The following CBX1 variants were observed in gnomAD, a reference collection of about 807,000 sequenced individuals.
CBX1 encodes the protein chromobox 1, also known as chromobox protein homolog 1.
In CBX1, 10 loss-of-function variants were observed where a neutral mutation model predicts 25.1. That is an observed-to-expected ratio of 0.40 (90% confidence interval 0.25 to 0.68). CBX1 has a LOEUF of 0.68. Ranked by LOEUF, CBX1 falls within the 30% of genes least tolerant of loss-of-function variation. The pLI, the probability that CBX1 is intolerant of heterozygous loss-of-function variation, is 0.40. For missense variants in CBX1, 106 were observed against 218.5 expected, an observed-to-expected ratio of 0.49 and a Z score of 3.25; for synonymous variants, 63 against 79.4, an observed-to-expected ratio of 0.79 and a Z score of 1.10.
chr17:48,076,785 ATAG>A, intron 2 of CBX1, 77 bp downstream of exon 2: 1 of 1,308,510 alleles, frequency 7.6e-7, no homozygotes, highest in Non-Finnish European at 1.1e-6. Context: ...TGTATCCATC[ATAG>A]CACTGGAGGT....
At chr17:48,081,789 G>T (rs2037740674) in intron 1 of CBX1, among the ~76,000 whole-genome samples, 1 of 152,132 alleles carries the variant, frequency 6.6e-6, no homozygotes, top group Non-Finnish European at 1.5e-5. Flanking sequence ...CAAATAAGAA[G>T]AATATAGAAA....
intron 1 of CBX1, among the ~76,000 whole-genome samples, chr17:48,080,951 A>AATATATATATATATATATATAT (rs1323670486): frequency 3.0e-5 from 1 of 33,276 alleles, no homozygotes; most frequent in Non-Finnish European, 5.3e-5. Context: ...AAAAAAAAAA[A>AATATATATATATATATATATAT]ATATATATAT....
At chr17:48,074,937 CT>C in intron 4 of CBX1, 68 bp downstream of exon 4, 1 of 1,115,728 alleles carries the variant, frequency 9.0e-7, no homozygotes, top group Non-Finnish European at 1.4e-6. Context: ...AGGTCCAGCT[CT>C]TTTCCTCTGG....
chr17:48,079,787 G>A (rs1321904970), intron 1 of CBX1, among the ~76,000 whole-genome samples: 1 of 152,072 alleles, frequency 6.6e-6, no homozygotes, highest in Non-Finnish European at 1.5e-5. Flanking sequence ...ATCACACCTG[G>A]CCTCCAATTT....
intron 1 of CBX1, chr17:48,100,882 G>C (rs1262508677): frequency 6.1e-6 from 6 of 985,574 alleles, no homozygotes; most frequent in African/African-American, 1.7e-5. Context: ...ACCTCGGGTT[G>C]TGCGGTCGTA....
At chr17:48,079,699 TG>T (rs2037713246) in intron 1 of CBX1, among the ~76,000 whole-genome samples, 2 of 152,062 alleles carry the variant, frequency 1.3e-5, no homozygotes, top group Non-Finnish European at 2.9e-5. Context: ...CTCAATATGT[TG>T]CCCAGGCTTG....
intron 1 of CBX1, among the ~76,000 whole-genome samples, chr17:48,099,689 T>C (rs972090651): frequency 6.6e-6 from 1 of 152,208 alleles, no homozygotes; most frequent in Non-Finnish European, 1.5e-5. Flanking sequence ...ATGTGACTCT[T>C]AACACAATTG....
chr17:48,089,156 A>G (rs1402231012), intron 1 of CBX1, among the ~76,000 whole-genome samples: 3 of 144,220 alleles, frequency 2.1e-5, no homozygotes, highest in Non-Finnish European at 4.5e-5. Context: ...GCTGGAGTGC[A>G]GTGGTGTGAT....
intron 1 of CBX1, among the ~76,000 whole-genome samples, chr17:48,093,349 T>C (rs1473759902): frequency 6.9e-6 from 1 of 144,966 alleles, no homozygotes; most frequent in African/African-American, 2.5e-5. Flanking sequence ...AGGTAAACAA[T>C]GCAAGTTCAA....
At chr17:48,094,564 C>T (rs1332553578) in intron 1 of CBX1, among the ~76,000 whole-genome samples, 2 of 151,606 alleles carry the variant, frequency 1.3e-5, no homozygotes, top group Non-Finnish European at 2.9e-5. Context: ...AACCCCGTGT[C>T]TACTAAAAAT....
chr17:48,082,132 G>T lies in CBX1; in HGVS notation c.-37-5091C>A, dbSNP rs1023633469. ...GTGCTGGGAGGATCGCTTAAGCACA[G>T]GAGGTTGAGGCTGCTGTGAGCTGTG... On this transcript the variant is annotated intron_variant, in intron 1 of 4. Coordinates refer to ENST00000225603, the MANE Select transcript of CBX1 (RefSeq NM_001127228.2). Among the ~76,000 whole-genome samples, 4 of 152,228 alleles carry T rather than the reference G, an allele frequency of 2.6e-5. No individual in the cohort carries two copies. In the East Asian group the frequency reaches 7.7e-4, roughly 29 times the overall value.
chr17:48,098,685 T>C (rs11079807), intron 1 of CBX1, among the ~76,000 whole-genome samples: 111,116 of 152,052 alleles, frequency 0.73, 41,258 homozygotes, highest in Admixed American at 0.82. Flanking sequence ...TTAGTAGAGA[T>C]GGGGCCAGTA....
chr17:48,091,442 C>T (rs921145438), intron 1 of CBX1, among the ~76,000 whole-genome samples: 1 of 150,710 alleles, frequency 6.6e-6, no homozygotes, highest in Non-Finnish European at 1.5e-5. Context: ...GGTGTGATAT[C>T]GGCTCACTTT....
chr17:48,079,058 A>G (rs755987657), intron 1 of CBX1, among the ~76,000 whole-genome samples: 37 of 151,646 alleles, frequency 2.4e-4, no homozygotes, highest in Admixed American at 1.9e-3. Context: ...TGGCCTCCCA[A>G]AGTGCTGGGA....
At chr17:48,089,906 T>C (rs913891408) in intron 1 of CBX1, among the ~76,000 whole-genome samples, 2 of 151,788 alleles carry the variant, frequency 1.3e-5, no homozygotes, top group Non-Finnish European at 2.9e-5. Context: ...AACAGAAAAT[T>C]TTAACGAAAT....
chr17:48,078,341 C>T (rs1032029784), intron 1 of CBX1, among the ~76,000 whole-genome samples: 5 of 151,976 alleles, frequency 3.3e-5, no homozygotes, highest in African/African-American at 4.8e-5. Flanking sequence ...TACCGGCGCC[C>T]GCCACCACGC....
chr17:48,078,786 A>ATTTTTT (rs2037702228), intron 1 of CBX1, among the ~76,000 whole-genome samples: 7 of 74,568 alleles, frequency 9.4e-5, no homozygotes, highest in Admixed American at 2.6e-4. Flanking sequence ...CCGTGCCTGG[A>ATTTTTT]CTTTTTTTTT....
At chr17:48,076,647 G>A (rs2037677477) in intron 2 of CBX1, among the ~76,000 whole-genome samples, 1 of 152,088 alleles carries the variant, frequency 6.6e-6, no homozygotes, top group Non-Finnish European at 1.5e-5. Flanking sequence ...CTCCAGCCTG[G>A]GTGACAGAGC....
At chr17:48,100,689 T>G (rs1005216936) in intron 1 of CBX1, 1 of 983,940 alleles carries the variant, frequency 1.0e-6, no homozygotes, top group East Asian at 1.1e-4. Flanking sequence ...AGCAAACGCC[T>G]GCCCCTCCCC....
Sources: allele counts gnomAD v4.1 joint callset (sites outside exome capture counted in the v4.1 genomes callset), GRCh38; gene constraint gnomAD v4.1.1; transcripts MANE v1.5; gene names NCBI Gene and HGNC (gene_info 2026-07-23, HGNC 2026-07-21).